TMEM114: variants seen among roughly 807,000 people sequenced by gnomAD.
TMEM114 encodes the protein claudin-26.
TMEM114 carries 6 observed loss-of-function variants against 6.2 expected under a neutral mutation model. The ratio of observed to expected loss-of-function variants is 0.97; its 90% confidence interval spans 0.53 to 1.91. The LOEUF (loss-of-function observed/expected upper bound fraction) is 1.91. Among genes scored for constraint, TMEM114 ranks in the 40% most tolerant of loss-of-function variants. The pLI is 0.01. For missense variants in TMEM114, 218 were observed against 158.3 expected (o/e 1.38, Z -2.02); for synonymous variants, 104 against 73.0 (o/e 1.42, Z -2.16).
chr16:8,561,556 A>G (rs986102233), intron 2 of TMEM114, among the ~76,000 whole-genome samples: 1 of 152,266 alleles, frequency 6.6e-6, no homozygotes, highest in Non-Finnish European at 1.5e-5. Flanking sequence ...AGCACCTGGC[A>G]CATCAGGCAT....
chr16:8,555,428 G>C (rs746287133), intron 2 of TMEM114, among the ~76,000 whole-genome samples: 2 of 152,034 alleles, frequency 1.3e-5, no homozygotes, highest in East Asian at 3.9e-4. Flanking sequence ...ACTAATTAAG[G>C]AGCAGCCTTT....
the TMEM114 span, among the ~76,000 whole-genome samples, chr16:8,531,648 G>C: frequency 1.3e-5 from 2 of 152,158 alleles, no homozygotes; most frequent in Admixed American, 6.5e-5. Context: ...GTGATTTTTG[G>C]TGAACTCATC....
rs1555466148 is a variant in TMEM114 at position 8,584,940 on chromosome 16, A to AG, written c.301+4272_301+4273insC. Among the ~76,000 whole-genome samples, 284 of 146,792 alleles carry AG rather than the reference A, an allele frequency of 1.9e-3. 1 individual carries two copies. The highest frequency in any genetic ancestry group is 6.9e-3 in the African/African-American group (276 of 40,112). ...GCCGTCTCAAAAAAAAAAAAAAAAA[A>AG]AAGAAGAAGAAGAAGAAAAGAAAAG... is the stretch of plus-strand genomic sequence containing the variant. On this transcript the variant is annotated intron_variant, in intron 2 of 3. Transcript: ENST00000620492.
chr16:8,534,427 G>A (rs1273561576), downstream of TMEM114, among the ~76,000 whole-genome samples: 3 of 152,112 alleles, frequency 2.0e-5, no homozygotes, highest in Non-Finnish European at 2.9e-5. Context: ...TGTGAGAAGT[G>A]GGAGCAGGTG....
downstream of TMEM114, chr16:8,569,467 G>A: frequency 8.2e-7 from 1 of 1,226,316 alleles, no homozygotes; most frequent in South Asian, 2.3e-5. Flanking sequence ...GTCGGAGGGG[G>A]CGTGAGGACT....
At chr16:8,568,483 G>T (rs1901618280), downstream of TMEM114, among the ~76,000 whole-genome samples, 1 of 152,224 alleles carries the variant, frequency 6.6e-6, no homozygotes, top group Non-Finnish European at 1.5e-5. Flanking sequence ...TTGAATGACT[G>T]ACTGACCGAC....
intron 2 of TMEM114, among the ~76,000 whole-genome samples, chr16:8,564,157 GTGAATGAGTGAGTAAA>G (rs1901419900): frequency 6.6e-6 from 1 of 151,428 alleles, no homozygotes; most frequent in African/African-American, 2.5e-5. Flanking sequence ...GAATGAGTTA[GTGAATGAGTGAGTAAA>G]TGAGTGAGTG....
intron 3 of TMEM114, among the ~76,000 whole-genome samples, chr16:8,570,472 C>G (rs1438280972): frequency 6.6e-6 from 1 of 152,112 alleles, no homozygotes; most frequent in Non-Finnish European, 1.5e-5. Context: ...GCTGGGAATA[C>G]AGATGCCCGC....
chr16:8,536,604 C>T (rs545149986), downstream of TMEM114, among the ~76,000 whole-genome samples: 11 of 152,288 alleles, frequency 7.2e-5, no homozygotes, highest in Admixed American at 2.6e-4. Flanking sequence ...CTGACAAAGC[C>T]ATTCTTGCAC....
Position 8,575,400 on chromosome 16 carries a change from G to A in TMEM114, c.302-3176C>T, listed in dbSNP as rs139412270. 4.0e-3 allele frequency among the ~76,000 whole-genome samples: 605 copies of A among 152,314 alleles called. 1 individual carries two copies. The highest frequency in any genetic ancestry group is 5.8e-3 in the Non-Finnish European group (393 of 68,028). On this transcript the variant is annotated intron_variant, in intron 2 of 3. Coordinates refer to ENST00000620492, the MANE Select transcript of TMEM114 (RefSeq NM_001146336.2). ...TTGCACGCATGTTGACAGAGTACCC[G>A]TATGATTGACCATCCAAATCACACT...
intron 2 of TMEM114, among the ~76,000 whole-genome samples, chr16:8,538,024 C>T (rs12448092): frequency 0.21 from 32,247 of 150,378 alleles, 3,522 homozygotes; most frequent in African/African-American, 0.26. Context: ...TGAGACTGGG[C>T]GCCGTGACTT....
intron 2 of TMEM114, among the ~76,000 whole-genome samples, chr16:8,562,557 TC>T (rs1314707143): frequency 1.2e-5 from 1 of 83,690 alleles, no homozygotes; most frequent in African/African-American, 4.2e-5. Context: ...AGTGAGTGCG[TC>T]AATGAGTGAG....
downstream of TMEM114, among the ~76,000 whole-genome samples, chr16:8,535,049 A>G (rs986440942): frequency 1.3e-5 from 2 of 152,054 alleles, no homozygotes; most frequent in African/African-American, 4.8e-5. Flanking sequence ...CTGAGATGCT[A>G]TGGTGGGGAG....
chr16:8,570,747 CT>C (rs933284673), intron 3 of TMEM114, among the ~76,000 whole-genome samples: 1 of 152,150 alleles, frequency 6.6e-6, no homozygotes, highest in Non-Finnish European at 1.5e-5. Context: ...CACGGTGGTT[CT>C]CCACAGATAT....
intron 2 of TMEM114, among the ~76,000 whole-genome samples, chr16:8,554,772 C>A (rs1308713631): frequency 2.0e-5 from 3 of 152,230 alleles, no homozygotes; most frequent in Non-Finnish European, 4.4e-5. Context: ...GTTCTACGTA[C>A]TTTGCCTGCT....
chr16:8,585,309 G>A (rs926954878), intron 2 of TMEM114, among the ~76,000 whole-genome samples: 2 of 152,194 alleles, frequency 1.3e-5, no homozygotes, highest in Non-Finnish European at 1.5e-5. Context: ...AATCACATCA[G>A]GAGGCAAGTT....
downstream of TMEM114, among the ~76,000 whole-genome samples, chr16:8,534,341 T>A (rs1900294739): frequency 8.0e-6 from 1 of 125,312 alleles, no homozygotes; most frequent in South Asian, 2.9e-4. Flanking sequence ...TTTAATGCAA[T>A]TTGCTTATTT....
intron 2 of TMEM114, among the ~76,000 whole-genome samples, chr16:8,573,893 G>T (rs933949266): frequency 2.0e-5 from 3 of 152,140 alleles, no homozygotes; most frequent in Non-Finnish European, 4.4e-5. Flanking sequence ...TGGCAAAGAG[G>T]ATCTTATTTC....
At chr16:8,563,169 G>C (rs975435487) in intron 2 of TMEM114, among the ~76,000 whole-genome samples, 1 of 148,340 alleles carries the variant, frequency 6.7e-6, no homozygotes, top group Non-Finnish European at 1.5e-5. Flanking sequence ...GAGTGAGTGA[G>C]TAAATGAGTG....
Sources: allele counts gnomAD v4.1 joint callset (sites outside exome capture counted in the v4.1 genomes callset), GRCh38; gene constraint gnomAD v4.1.1; transcripts MANE v1.5; gene names NCBI Gene and HGNC (gene_info 2026-07-23, HGNC 2026-07-21).